Variants in SKI observed in about 807,000 individuals in gnomAD.
SKI encodes the protein SKI proto-oncogene, also known as ski oncogene.
SKI carries 23 observed loss-of-function variants against 59.3 expected under a neutral mutation model. The observed-to-expected ratio is 0.39, with a 90% CI of 0.28 to 0.55. SKI has a LOEUF of 0.55. Among genes scored for constraint, SKI ranks in the 20% least tolerant of loss-of-function variants. The pLI, the probability that SKI is intolerant of heterozygous loss-of-function variation, is 0.67. For synonymous variants in SKI, 673 were observed against 488.6 expected (o/e 1.38, Z -4.98); for missense variants, 1,017 against 1,038.9 (o/e 0.98, Z 0.29).
intron 1 of SKI, among the ~76,000 whole-genome samples, chr1:2,231,417 C>T (rs1357798161): frequency 6.6e-6 from 1 of 152,158 alleles, no homozygotes; most frequent in Non-Finnish European, 1.5e-5. Flanking sequence ...TCTTCCTGGG[C>T]TTTGCTGGGG....
intron 1 of SKI, among the ~76,000 whole-genome samples, chr1:2,275,261 C>T (rs1156274732): frequency 6.6e-6 from 1 of 152,236 alleles, no homozygotes; most frequent in African/African-American, 2.4e-5. Context: ...CGGCCCACGG[C>T]TCCGCTCAGG....
chr1:2,290,566 C>T (rs1640138905), intron 1 of SKI, among the ~76,000 whole-genome samples: 1 of 151,860 alleles, frequency 6.6e-6, no homozygotes, highest in African/African-American at 2.4e-5. Context: ...GAGCTTCTGA[C>T]CTCATCAGGG....
At chr1:2,283,160 G>A (rs541423000) in intron 1 of SKI, among the ~76,000 whole-genome samples, 17 of 152,366 alleles carry the variant, frequency 1.1e-4, no homozygotes, top group South Asian at 6.2e-4. Context: ...GGCTTTGTGC[G>A]GAGGCTGGGT....
chr1:2,274,860 C>T (rs996558655), intron 1 of SKI, among the ~76,000 whole-genome samples: 1 of 152,228 alleles, frequency 6.6e-6, no homozygotes, highest in Non-Finnish European at 1.5e-5. Flanking sequence ...CCGGCCGCCA[C>T]GGCCCCCTCC....
chr1:2,274,855 C>T (rs899492566), intron 1 of SKI, among the ~76,000 whole-genome samples: 1 of 152,210 alleles, frequency 6.6e-6, no homozygotes, highest in Non-Finnish European at 1.5e-5. Flanking sequence ...CTTTCCCGGC[C>T]GCCACGGCCC....
intron 1 of SKI, among the ~76,000 whole-genome samples, chr1:2,254,845 G>A (rs538527565): frequency 2.4e-4 from 37 of 152,298 alleles, no homozygotes; most frequent in Admixed American, 2.2e-3. Context: ...GGGTCCCTGC[G>A]GTCAGGTGAG....
chr1:2,310,076 A>C lies in SKI; in HGVS notation c.*3311A>C, dbSNP rs1640713493. ...ACTCGGAAACTATTTTTATGTAATT[A>C]ATGTATGCTTTCTTGTTTATAAATG... is the stretch of plus-strand genomic sequence containing the variant. On this transcript the variant is annotated 3_prime_UTR_variant, in exon 7 of 7. Transcript: ENST00000378536. 1 of 151,290 alleles carries C rather than the reference A, an allele frequency of 6.6e-6. No individual in the cohort carries two copies. Among genetic ancestry groups the C allele is most frequent in the South Asian group, 2.1e-4 (1 of 4,788 alleles). 9.4% of individuals were successfully genotyped at this position (151,290 alleles called of 1,614,324 possible).
chr1:2,264,408 A>C (rs937703890), intron 1 of SKI, among the ~76,000 whole-genome samples: 1 of 151,888 alleles, frequency 6.6e-6, no homozygotes, highest in Non-Finnish European at 1.5e-5. Flanking sequence ...AGTTGGGATT[A>C]CAGGCACCCG....
In SKI at chr1:2,304,595, G is replaced by A; in HGVS notation, c.1767+10G>A. On this transcript the variant is annotated intron_variant, in intron 5 of 6. Transcript: ENST00000378536. ...GCGCAGCCTCCACCAGGTGAGCGGG[G>A]CGAGTGGTGCTGGGAGGTCCAGGGC... The A allele has an allele frequency of 6.5e-7, 1 of 1,544,034 alleles. No individual in the cohort carries two copies. The highest frequency in any genetic ancestry group is 8.7e-7 in the Non-Finnish European group (1 of 1,143,370).
chr1:2,234,343 G>A (rs1160229984), intron 1 of SKI, among the ~76,000 whole-genome samples: 1 of 152,204 alleles, frequency 6.6e-6, no homozygotes, highest in African/African-American at 2.4e-5. Context: ...GACCCCTCTG[G>A]GAGCTGGGCT....
chr1:2,255,821 G>T (rs1209160859), intron 1 of SKI, among the ~76,000 whole-genome samples: 4 of 150,796 alleles, frequency 2.7e-5, no homozygotes, highest in African/African-American at 9.8e-5. Context: ...GCCACCCTTT[G>T]TCCTGACCTC....
intron 1 of SKI, among the ~76,000 whole-genome samples, chr1:2,287,889 C>T (rs1640077851): frequency 1.3e-5 from 2 of 152,246 alleles, no homozygotes; most frequent in African/African-American, 2.4e-5. Flanking sequence ...ACCCCGAGCC[C>T]TGAGCCCCGC....
In SKI at chr1:2,239,078, C is replaced by G. The variant is rs531493466; in HGVS notation, c.969+9343C>G. Among the ~76,000 whole-genome samples, 54 of 152,290 alleles carry G rather than the reference C, an allele frequency of 3.5e-4. No homozygotes were observed. The South Asian group carries it at 0.011, about 30-fold the overall frequency. On this transcript the variant is annotated intron_variant, in intron 1 of 6. Transcript: ENST00000378536. Reference sequence around the variant, plus strand: ...GCCTCCGCCTTTCCTGGCTACAACCCTGTTGCCCAAACCATTAAAAAAATT... The same window carrying G: ...GCCTCCGCCTTTCCTGGCTACAACCGTGTTGCCCAAACCATTAAAAAAATT...
At chr1:2,235,895 G>C (rs1638740597) in intron 1 of SKI, among the ~76,000 whole-genome samples, 1 of 152,250 alleles carries the variant, frequency 6.6e-6, no homozygotes. Flanking sequence ...GCCTTCGCTT[G>C]AAGTGCTTAT....
chr1:2,229,698 T>A lies in SKI; in HGVS notation c.932T>A (p.Phe311Tyr). The A allele has an allele frequency of 6.3e-7, 1 of 1,594,722 alleles. No homozygotes were observed. Among genetic ancestry groups the A allele is most frequent in the Non-Finnish European group, 8.5e-7 (1 of 1,171,494 alleles). Residue 311 changes from phenylalanine to tyrosine, a missense_variant, in exon 1 of 7, where the codon TTC (phenylalanine) becomes TAC (tyrosine). Phe to Tyr is a conservative substitution (Grantham distance 22). Coordinates refer to ENST00000378536, the MANE Select transcript of SKI (RefSeq NM_003036.4). This position sits in a 1 kb window ranked among gnomAD's most constrained non-coding sequence, Gnocchi z 6.3. ...TGCCTGGACGACGTGAAGGAGAAAT[T>A]CGACTATGGCAACAAGTACAAGCGG... is the stretch of plus-strand genomic sequence containing the variant. ...GRCLDDVKEK[F>Y]DYGNKYKRRV... is the part of the protein sequence containing the mutation.
chr1:2,239,166 T>A (rs1419003453), intron 1 of SKI, among the ~76,000 whole-genome samples: 1 of 152,258 alleles, frequency 6.6e-6, no homozygotes, highest in Non-Finnish European at 1.5e-5. Flanking sequence ...TAATTAGCAG[T>A]TTAAGTTCAT....
At chr1:2,265,474 G>A (rs186191654) in intron 1 of SKI, among the ~76,000 whole-genome samples, 186 of 152,128 alleles carry the variant, frequency 1.2e-3, no homozygotes, top group African/African-American at 4.2e-3. Context: ...TATATCTTTC[G>A]TGTCTTTATT....
In SKI at chr1:2,303,795, GC is replaced by G; in HGVS notation, c.1212-44del. 6.2e-7 allele frequency: 1 copy of G among 1,608,344 alleles called. No individual in the cohort carries two copies. ...GTGCGCCAGGATGTGTCTGGGTGGT[GC>G]TTGGGGACAGAGGCACCTTCCCGAC... is the stretch of plus-strand genomic sequence containing the variant. On this transcript the variant is annotated intron_variant, in intron 3 of 6. Transcript: ENST00000378536. This position sits in a 1 kb window ranked among gnomAD's most constrained non-coding sequence, Gnocchi z 5.6.
At chr1:2,296,524 G>A (rs1021853258) in intron 1 of SKI, among the ~76,000 whole-genome samples, 7 of 152,222 alleles carry the variant, frequency 4.6e-5, no homozygotes, top group African/African-American at 1.7e-4. Context: ...TTAGTATCCT[G>A]TTTGGAGAAA....
Sources: gnomAD v4.1 joint callset for allele counts (sites outside exome capture counted in the v4.1 genomes callset) on GRCh38, gnomAD v4.1.1 for gene constraint, Gnocchi (gnomAD v3.1) non-coding constraint, MANE v1.5 for transcripts, NCBI Gene and HGNC (gene_info 2026-07-23, HGNC 2026-07-21) for gene names.